COMMD10: variants seen among roughly 807,000 people sequenced by gnomAD.
COMMD10 encodes COMM domain containing 10.
Under a neutral mutation model 28.9 loss-of-function variants are expected in COMMD10, and 33 were observed. That is an observed-to-expected ratio of 1.14 (90% CI 0.87 to 1.53). The LOEUF is 1.53. Ranked by LOEUF, COMMD10 falls within the 40% of genes most tolerant of loss-of-function variation. COMMD10 has a pLI of 0.00. For synonymous variants in COMMD10, 110 were observed against 81.7 expected (o/e 1.35, Z -1.87); for missense variants, 310 against 233.4 (o/e 1.33, Z -2.14).
At chr5:116,227,660 A>T (rs1461242860) in intron 5 of COMMD10, among the ~76,000 whole-genome samples, 1 of 152,056 alleles carries the variant, frequency 6.6e-6, no homozygotes, top group African/African-American at 2.4e-5. Context: ...TTCATTTTCC[A>T]AGGCATTGGC....
At chr5:116,257,069 T>G (rs1218241269) in intron 5 of COMMD10, among the ~76,000 whole-genome samples, 1 of 151,830 alleles carries the variant, frequency 6.6e-6, no homozygotes, top group African/African-American at 2.4e-5. Flanking sequence ...ACTCTGTATT[T>G]TATTTTTTTT....
chr5:116,086,441 T>A (rs1037251546), intron 1 of COMMD10, among the ~76,000 whole-genome samples: 1 of 148,110 alleles, frequency 6.8e-6, no homozygotes, highest in African/African-American at 2.5e-5. Context: ...TTTGGGAGGC[T>A]GAGGCGGGCT....
At chr5:116,169,654 T>G (rs1364987519) in intron 5 of COMMD10, among the ~76,000 whole-genome samples, 1 of 152,200 alleles carries the variant, frequency 6.6e-6, no homozygotes, top group African/African-American at 2.4e-5. Context: ...TCAAGTCAGC[T>G]TCATCCCTGG....
chr5:116,177,945 A>G (rs1467192052), intron 5 of COMMD10, among the ~76,000 whole-genome samples: 1 of 152,162 alleles, frequency 6.6e-6, no homozygotes, highest in Non-Finnish European at 1.5e-5. Context: ...ATAAACCTGC[A>G]TACTTGGCTT....
chr5:116,125,092 C>T (rs1221623586), intron 4 of COMMD10, among the ~76,000 whole-genome samples: 3 of 152,100 alleles, frequency 2.0e-5, no homozygotes, highest in African/African-American at 4.8e-5. Context: ...TTGATCCTGT[C>T]GTTATGATGT....
intron 5 of COMMD10, among the ~76,000 whole-genome samples, chr5:116,140,319 A>G (rs1248535938): frequency 6.6e-6 from 1 of 151,604 alleles, no homozygotes; most frequent in Non-Finnish European, 1.5e-5. Flanking sequence ...ACATACACAT[A>G]CCACAATTTA....
intron 5 of COMMD10, among the ~76,000 whole-genome samples, chr5:116,160,423 G>C (rs901489973): frequency 6.6e-6 from 1 of 152,166 alleles, no homozygotes; most frequent in Non-Finnish European, 1.5e-5. Flanking sequence ...ATCAGGTGCT[G>C]TATTAAAATG....
intron 5 of COMMD10, among the ~76,000 whole-genome samples, chr5:116,272,229 G>GA (rs1409501407): frequency 1.5e-4 from 22 of 151,420 alleles, no homozygotes; most frequent in East Asian, 3.9e-4. Flanking sequence ...CTTACTAACT[G>GA]AAAAAAATGG....
At chr5:116,149,076 C>G (rs886801620) in intron 5 of COMMD10, among the ~76,000 whole-genome samples, 2 of 145,038 alleles carry the variant, frequency 1.4e-5, no homozygotes, top group African/African-American at 5.1e-5. Context: ...TGTTCAATTC[C>G]CACCTATGAC....
At chr5:116,181,372 T>G (rs914575359) in intron 5 of COMMD10, among the ~76,000 whole-genome samples, 3 of 150,964 alleles carry the variant, frequency 2.0e-5, no homozygotes, top group African/African-American at 7.3e-5. Flanking sequence ...GCTTTATATC[T>G]TCTATCTTCT....
chr5:116,120,519 T>C (rs939371712), intron 4 of COMMD10, among the ~76,000 whole-genome samples: 7 of 152,122 alleles, frequency 4.6e-5, no homozygotes, highest in Non-Finnish European at 2.9e-5. Context: ...AAAAAAATTT[T>C]TTTTAAAGAT....
chr5:116,235,629 T>C (rs2112658462), intron 5 of COMMD10, among the ~76,000 whole-genome samples: 1 of 152,298 alleles, frequency 6.6e-6, no homozygotes, highest in East Asian at 1.9e-4. Flanking sequence ...GTATATAGAA[T>C]TCTGTTTTCA....
intron 5 of COMMD10, among the ~76,000 whole-genome samples, chr5:116,143,237 G>T (rs1049973522): frequency 3.3e-5 from 5 of 151,414 alleles, no homozygotes; most frequent in African/African-American, 1.2e-4. Flanking sequence ...ATTTCAGGCT[G>T]TCAAGTGGAA....
intron 5 of COMMD10, among the ~76,000 whole-genome samples, chr5:116,222,008 T>C (rs1365789194): frequency 6.6e-6 from 1 of 151,864 alleles, no homozygotes; most frequent in Non-Finnish European, 1.5e-5. Context: ...TTACCAGGAG[T>C]GGATGTGGGT....
chr5:116,163,663 G>T (rs1327823125), intron 5 of COMMD10, among the ~76,000 whole-genome samples: 2 of 152,092 alleles, frequency 1.3e-5, no homozygotes, highest in Non-Finnish European at 2.9e-5. Flanking sequence ...TTTGTGAATA[G>T]TTTATAGTAT....
At chr5:116,182,423 CAGTG>C (rs887903843) in intron 5 of COMMD10, among the ~76,000 whole-genome samples, 5 of 151,584 alleles carry the variant, frequency 3.3e-5, no homozygotes, top group African/African-American at 9.7e-5. Flanking sequence ...GGGTGGGTGT[CAGTG>C]AGCTCAGCTG....
intron 4 of COMMD10, among the ~76,000 whole-genome samples, chr5:116,122,091 T>G (rs1192475712): frequency 2.0e-5 from 3 of 152,164 alleles, no homozygotes; most frequent in African/African-American, 7.2e-5. Flanking sequence ...GCCTAGGTTT[T>G]CTTCTAGGGT....
At chr5:116,139,008 C>T (rs1162511812) in intron 5 of COMMD10, among the ~76,000 whole-genome samples, 6 of 151,672 alleles carry the variant, frequency 4.0e-5, no homozygotes, top group Admixed American at 4.0e-4. Context: ...CCATGTTATA[C>T]AGATAGTAAA....
intron 4 of COMMD10, among the ~76,000 whole-genome samples, chr5:116,102,329 A>G (rs751210993): frequency 3.3e-5 from 5 of 152,008 alleles, no homozygotes; most frequent in Admixed American, 1.3e-4. Context: ...TCCTCAATTT[A>G]TGTTCTTGTT....
Sources: gnomAD v4.1 joint callset for allele counts (sites outside exome capture counted in the v4.1 genomes callset) on GRCh38, gnomAD v4.1.1 for gene constraint, MANE v1.5 for transcripts, NCBI Gene and HGNC (gene_info 2026-07-23, HGNC 2026-07-21) for gene names.